Variants in CDX1 observed in about 807,000 individuals in gnomAD.
The protein encoded by CDX1 is homeobox protein CDX-1.
In CDX1, 9 loss-of-function variants were observed where a neutral mutation model predicts 16.9. The ratio of observed to expected loss-of-function variants is 0.53; its 90% confidence interval spans 0.32 to 0.93. The LOEUF is 0.93. CDX1 is among the 40% of genes least tolerant of loss of function. The pLI, the probability that CDX1 is intolerant of heterozygous loss-of-function variation, is 0.04. For missense variants in CDX1, 393 were observed against 386.1 expected, an observed-to-expected ratio of 1.02 and a Z score of -0.15; for synonymous variants, 179 against 179.0, an observed-to-expected ratio of 1.00 and a Z score of 0.00.
chr5:150,182,712 T>G, intron 1 of CDX1, 56 bp from the exon 2 acceptor site: 2 of 1,494,514 alleles, frequency 1.3e-6, no homozygotes, highest in South Asian at 2.8e-5. Context: ...CCTGGGCCTT[T>G]TTTGTAGCCT....
chr5:150,170,702 T>A (rs1473780256), intron 1 of CDX1, among the ~76,000 whole-genome samples: 2 of 152,088 alleles, frequency 1.3e-5, no homozygotes, highest in African/African-American at 4.8e-5. Flanking sequence ...GACTAAGACT[T>A]CAGTTTCTTC....
intron 1 of CDX1, among the ~76,000 whole-genome samples, chr5:150,169,151 G>T (rs967654146): frequency 2.0e-5 from 3 of 152,072 alleles, no homozygotes; most frequent in Admixed American, 6.5e-5. Flanking sequence ...TTGGAGAGAG[G>T]CCATCACTGT....
intron 1 of CDX1, among the ~76,000 whole-genome samples, chr5:150,171,745 C>T (rs1761510021): frequency 6.6e-6 from 1 of 152,214 alleles, no homozygotes; most frequent in Non-Finnish European, 1.5e-5. Context: ...GCTACTTTGC[C>T]TAGATAAGGC....
At chr5:150,169,363 C>T (rs1431051769) in intron 1 of CDX1, among the ~76,000 whole-genome samples, 2 of 152,092 alleles carry the variant, frequency 1.3e-5, no homozygotes, top group Non-Finnish European at 2.9e-5. Context: ...TTTCCCCCTC[C>T]TTGCTCTCCG....
chr5:150,176,753 A>T (rs902221296), intron 1 of CDX1, among the ~76,000 whole-genome samples: 9 of 152,224 alleles, frequency 5.9e-5, no homozygotes, highest in African/African-American at 2.2e-4. Flanking sequence ...GGACCCACTG[A>T]CTTTAGCTGG....
At position 150,167,152 on chromosome 5, in the gene CDX1, C is replaced by T; in HGVS notation, c.276C>T (p.Phe92=). The part of the protein sequence containing the change: ...APAASPASLA[F]GPPPDFSPVP... The stretch of plus-strand genomic sequence containing the variant: ...CCGCCAGCCCAGCTTCGCTGGCATT[C>T]GGGCCCCCTCCAGACTTTAGCCCGG... Residue 92 remains phenylalanine, a synonymous_variant, in exon 1 of 3, where the codon TTC becomes TTT. Transcript: ENST00000231656. 7.6e-7 allele frequency: 1 copy of T among 1,320,058 alleles called. No homozygotes were observed. 81.8% of individuals were successfully genotyped at this position (1,320,058 alleles called of 1,614,324 possible). A position where few individuals can be genotyped will look rare whatever the true frequency, so the allele number is the denominator to read the frequency against.
rs757405244 is a variant in CDX1, at chr5:150,182,875, T to G, written c.553T>G (p.Ser185Ala). 1 of 1,612,730 alleles carries G rather than the reference T, an allele frequency of 6.2e-7. No individual in the cohort carries two copies. The highest frequency in any genetic ancestry group is 1.7e-5 in the Admixed American group (1 of 59,772). The change falls in exon 2 of 3, where the codon TCA (serine) becomes GCA (alanine). Residue 185 changes from serine to alanine, a missense_variant. Coordinates refer to ENST00000231656, the MANE Select transcript of CDX1 (RefSeq NM_001804.3). ...CCGTTACATCACAATCCGGCGGAAA[T>G]CAGAGCTGGCTGCCAATCTGGGGCT... is the stretch of plus-strand genomic sequence containing the variant. ...YSRYITIRRKSELAANLGLTE... is the reference protein window; with the variant it reads ...YSRYITIRRKAELAANLGLTE...
Position 150,166,841 on chromosome 5 carries a change from C to T in CDX1, c.-36C>T. ...TCGGGGCGGCCGGCAGCGGCGGCTC[C>T]AGGGCCCAGCATGCGCGGGGGACCC... On this transcript the variant is annotated 5_prime_UTR_variant, in exon 1 of 3. Coordinates refer to ENST00000231656, the MANE Select transcript of CDX1 (RefSeq NM_001804.3). 5.0e-6 allele frequency: 7 copies of T among 1,397,272 alleles called. No individual in the cohort carries two copies. The highest frequency in any genetic ancestry group is 6.5e-6 in the Non-Finnish European group (7 of 1,070,764). The allele number at this position is 1,397,272 out of a possible 1,614,324, so 86.6% of individuals were successfully genotyped here.
intron 1 of CDX1, among the ~76,000 whole-genome samples, chr5:150,178,738 C>T (rs1327026771): frequency 6.6e-6 from 1 of 152,246 alleles, no homozygotes; most frequent in East Asian, 1.9e-4. Context: ...GAGGCAGCCC[C>T]TATTACTGGC....
At chr5:150,180,972 T>C (rs1367197799) in intron 1 of CDX1, among the ~76,000 whole-genome samples, 1 of 152,184 alleles carries the variant, frequency 6.6e-6, no homozygotes, top group East Asian at 1.9e-4. Flanking sequence ...CCCCTTCCTC[T>C]TGCAAATCTG....
intron 1 of CDX1, among the ~76,000 whole-genome samples, chr5:150,169,372 C>G (rs566004105): frequency 1.3e-5 from 2 of 152,166 alleles, no homozygotes; most frequent in South Asian, 4.2e-4. Context: ...CCTTGCTCTC[C>G]GAGAGTAGAG....
In CDX1 at chr5:150,166,800, G is replaced by A. The variant is rs987194386; in HGVS notation, c.-77G>A. Reference sequence around the variant, plus strand: ...GGCGGCAGGACAGCCGAGTTCAGGTGAGCGGTTGCTCGTCGTCGGGGCGGC... The same window carrying A: ...GGCGGCAGGACAGCCGAGTTCAGGTAAGCGGTTGCTCGTCGTCGGGGCGGC... On this transcript the variant is annotated 5_prime_UTR_variant, in exon 1 of 3. Coordinates refer to ENST00000231656, the MANE Select transcript of CDX1 (RefSeq NM_001804.3). 1 of 1,066,958 alleles carries A rather than the reference G, an allele frequency of 9.4e-7. No homozygotes were observed. The allele number at this position is 1,066,958 out of a possible 1,614,324, so 66.1% of individuals were successfully genotyped here.
At chr5:150,171,604 G>A (rs1417555606) in intron 1 of CDX1, among the ~76,000 whole-genome samples, 1 of 152,186 alleles carries the variant, frequency 6.6e-6, no homozygotes, top group Non-Finnish European at 1.5e-5. Context: ...CCCAAGTGCT[G>A]GGATTACAGG....
chr5:150,167,377 C>T, intron 1 of CDX1, 56 bp downstream of exon 1: 1 of 1,173,498 alleles, frequency 8.5e-7, no homozygotes, highest in Non-Finnish European at 1.1e-6. Flanking sequence ...CGGGCGCGGC[C>T]CAGGCCGCCC....
intron 1 of CDX1, among the ~76,000 whole-genome samples, chr5:150,177,034 C>T (rs146139429): frequency 2.6e-5 from 4 of 152,220 alleles, no homozygotes; most frequent in African/African-American, 7.2e-5. Flanking sequence ...GCCACACACC[C>T]GGCAGGAAGA....
In CDX1 at chr5:150,183,735, G is replaced by A. The variant is rs1752503652; in HGVS notation, c.*55G>A. 17 of 1,374,116 alleles carry A rather than the reference G, an allele frequency of 1.2e-5. No homozygotes were observed. The highest frequency in any genetic ancestry group is 1.6e-5 in the Non-Finnish European group (17 of 1,030,690). 85.1% of individuals were successfully genotyped at this position (1,374,116 alleles called of 1,614,324 possible). A position where few individuals can be genotyped will look rare whatever the true frequency, so the allele number is the denominator to read the frequency against. On this transcript the variant is annotated 3_prime_UTR_variant, in exon 3 of 3. Transcript: ENST00000231656. ...CTGGGGACTCGGGTGCTGGGAGTGTGGCTCCTGTGGGCCCAGGAGGTCTGG... is the reference window on the plus strand; with the variant it reads ...CTGGGGACTCGGGTGCTGGGAGTGTAGCTCCTGTGGGCCCAGGAGGTCTGG...
intron 1 of CDX1, among the ~76,000 whole-genome samples, chr5:150,170,536 C>A (rs748422432): frequency 6.6e-6 from 1 of 152,172 alleles, no homozygotes; most frequent in Non-Finnish European, 1.5e-5. Flanking sequence ...TGGGTGAGAT[C>A]TTGGCTTTCA....
intron 1 of CDX1, among the ~76,000 whole-genome samples, chr5:150,168,418 C>G (rs1023465922): frequency 7.9e-5 from 12 of 152,196 alleles, no homozygotes; most frequent in East Asian, 1.9e-4. Flanking sequence ...TTGGAAGTCC[C>G]GGGGATACAT....
rs1034186667 is a variant in CDX1, at chr5:150,181,842, A to G, written c.446-926A>G. Among the ~76,000 whole-genome samples, 16 of 152,362 alleles carry G rather than the reference A, an allele frequency of 1.1e-4. 1 individual carries two copies. The highest frequency in any genetic ancestry group is 1.3e-4 in the Admixed American group (2 of 15,302). On this transcript the variant is annotated intron_variant, in intron 1 of 2. Coordinates refer to ENST00000231656, the MANE Select transcript of CDX1 (RefSeq NM_001804.3). ...TTTATTTTGCTCAGTGCTGTAGCCC[A>G]GAGCTTGGCTCACAGCAGGAGCTCA...
Sources: allele counts gnomAD v4.1 joint callset (sites outside exome capture counted in the v4.1 genomes callset), GRCh38; gene constraint gnomAD v4.1.1; transcripts MANE v1.5; gene names NCBI Gene and HGNC (gene_info 2026-07-23, HGNC 2026-07-21).